The following ALK variants were observed in gnomAD, a reference collection of about 807,000 sequenced individuals.
ALK encodes the protein ALK tyrosine kinase receptor.
Under a neutral mutation model 163.1 loss-of-function variants are expected in ALK, and 74 were observed. That is an observed-to-expected ratio of 0.45 (90% CI 0.38 to 0.55). The LOEUF is 0.55. ALK is among the 20% of genes least tolerant of loss of function. ALK has a pLI of 0.00. For missense variants in ALK, 2,063 were observed against 2,105.3 expected, an observed-to-expected ratio of 0.98 and a Z score of 0.39; for synonymous variants, 960 against 843.2, an observed-to-expected ratio of 1.14 and a Z score of -2.40.
intron 12 of ALK, among the ~76,000 whole-genome samples, chr2:29,244,092 CCA>C (rs1013614329): frequency 2.0e-4 from 31 of 152,164 alleles, no homozygotes; most frequent in African/African-American, 7.2e-4. Flanking sequence ...TGTAGCACAT[CCA>C]CAGTGTCCAC....
chr2:29,585,440 C>T (rs541262025), intron 3 of ALK, among the ~76,000 whole-genome samples: 2 of 152,258 alleles, frequency 1.3e-5, no homozygotes, highest in African/African-American at 4.8e-5. Context: ...GATTCTCATG[C>T]CTCAGCTTCC....
At chr2:29,424,528 T>C (rs2148069608) in intron 4 of ALK, among the ~76,000 whole-genome samples, 1 of 152,320 alleles carries the variant, frequency 6.6e-6, no homozygotes, top group Non-Finnish European at 1.5e-5. Context: ...AAGAACTAAT[T>C]AGCAAAGTCA....
At chr2:29,302,563 AC>A (rs1296285120) in intron 8 of ALK, among the ~76,000 whole-genome samples, 1 of 152,176 alleles carries the variant, frequency 6.6e-6, no homozygotes, top group African/African-American at 2.4e-5. Flanking sequence ...TTATAATGAT[AC>A]CTCCTATGTT....
At chr2:29,641,615 T>TACC (rs566566021) in intron 3 of ALK, among the ~76,000 whole-genome samples, 3 of 152,008 alleles carry the variant, frequency 2.0e-5, no homozygotes, top group Non-Finnish European at 4.4e-5. Context: ...AGCCATTCCT[T>TACC]ACCACCACCA....
intron 2 of ALK, among the ~76,000 whole-genome samples, chr2:29,698,578 CT>C (rs1678640160): frequency 6.6e-6 from 1 of 152,226 alleles, no homozygotes; most frequent in Admixed American, 6.5e-5. Context: ...GGCATGCCAA[CT>C]GTCTGAGTTG....
chr2:29,558,543 C>T (rs1469272257), intron 3 of ALK, among the ~76,000 whole-genome samples: 2 of 152,074 alleles, frequency 1.3e-5, no homozygotes, highest in Admixed American at 1.3e-4. Context: ...TTTGCACACA[C>T]CCCTCCCTAC....
chr2:29,643,222 G>T (rs1676755357), intron 3 of ALK, among the ~76,000 whole-genome samples: 1 of 151,968 alleles, frequency 6.6e-6, no homozygotes, highest in Non-Finnish European at 1.5e-5. Flanking sequence ...GATATGGGCA[G>T]GTATTAAAGT....
intron 4 of ALK, among the ~76,000 whole-genome samples, chr2:29,406,296 C>G (rs1193502100): frequency 2.0e-5 from 3 of 152,136 alleles, no homozygotes; most frequent in Non-Finnish European, 4.4e-5. Context: ...TCTAGTCCTC[C>G]CTAGGAACTC....
intron 4 of ALK, among the ~76,000 whole-genome samples, chr2:29,399,860 G>A (rs1164852564): frequency 1.3e-5 from 2 of 152,196 alleles, no homozygotes; most frequent in African/African-American, 4.8e-5. Flanking sequence ...GATAATGCAA[G>A]ACTCTTCCCA....
intron 4 of ALK, among the ~76,000 whole-genome samples, chr2:29,530,140 G>C (rs1372389703): frequency 7.2e-6 from 1 of 139,582 alleles, no homozygotes; most frequent in African/African-American, 2.7e-5. Context: ...TTCTCCCTAA[G>C]AGGCTTCAGG....
chr2:29,718,483 G>A (rs1679328505), intron 1 of ALK, among the ~76,000 whole-genome samples: 1 of 152,178 alleles, frequency 6.6e-6, no homozygotes, highest in Admixed American at 6.5e-5. Flanking sequence ...GGCAGACAAA[G>A]CCTTTTTTGT....
rs573634420 is a variant in ALK, at chr2:29,229,064, C to T, written c.2635G>A (p.Gly879Ser). ...GLNGNSGAAG[G>S]GGGWNDNTSL... ...GTGTTATCATTCCAGCCACCTCCACCACCTGCGGGAAGAGATAGGGAACCT... is the reference window on the plus strand; with the variant it reads ...GTGTTATCATTCCAGCCACCTCCACTACCTGCGGGAAGAGATAGGGAACCT... The change falls in exon 16 of 29, where the codon GGT becomes AGT. Residue 879 changes from glycine (G) to serine (S), a missense_variant and splice_region_variant. Coordinates refer to ENST00000389048, the MANE Select transcript of ALK (RefSeq NM_004304.5). 1.2e-6 allele frequency: 2 copies of T among 1,613,924 alleles called. No individual in the cohort carries two copies. The highest frequency in any genetic ancestry group is 4.5e-5 in the East Asian group (2 of 44,828).
At chr2:29,669,139 G>C (rs749973575) in intron 3 of ALK, among the ~76,000 whole-genome samples, 4 of 151,930 alleles carry the variant, frequency 2.6e-5, no homozygotes, top group Non-Finnish European at 4.4e-5. Flanking sequence ...AGTTAACACT[G>C]TTATTTCTCT....
At chr2:29,654,944 G>A (rs990444199) in intron 3 of ALK, among the ~76,000 whole-genome samples, 20 of 151,992 alleles carry the variant, frequency 1.3e-4, no homozygotes, top group African/African-American at 3.6e-4. Flanking sequence ...AAAAGATGAC[G>A]AACTGGCTGC....
At chr2:29,475,910 A>G (rs1671507836) in intron 4 of ALK, among the ~76,000 whole-genome samples, 1 of 152,208 alleles carries the variant, frequency 6.6e-6, no homozygotes, top group Non-Finnish European at 1.5e-5. Flanking sequence ...ACAGGCGGCA[A>G]ATGAGAACGG....
intron 4 of ALK, among the ~76,000 whole-genome samples, chr2:29,456,753 C>T (rs1463443496): frequency 6.6e-6 from 1 of 152,050 alleles, no homozygotes; most frequent in Non-Finnish European, 1.5e-5. Flanking sequence ...GGGAATATTA[C>T]CACCTAGATT....
At chr2:29,481,106 A>C (rs1401824478) in intron 4 of ALK, among the ~76,000 whole-genome samples, 1 of 152,222 alleles carries the variant, frequency 6.6e-6, no homozygotes. Context: ...AGTGAACGCG[A>C]GACCTGAGCG....
At chr2:29,888,725 G>A (rs1667056258) in intron 1 of ALK, among the ~76,000 whole-genome samples, 1 of 152,002 alleles carries the variant, frequency 6.6e-6, no homozygotes, top group Non-Finnish European at 1.5e-5. Flanking sequence ...TCCCAAAAAG[G>A]AGTCCCTCTT....
intron 1 of ALK, among the ~76,000 whole-genome samples, chr2:29,848,662 C>T (rs766879448): frequency 6.6e-6 from 1 of 152,172 alleles, no homozygotes; most frequent in African/African-American, 2.4e-5. Context: ...CAGCAGGTCT[C>T]AGCTCTGAGC....
Sources: gnomAD v4.1 joint callset for allele counts (sites outside exome capture counted in the v4.1 genomes callset) on GRCh38, gnomAD v4.1.1 for gene constraint, MANE v1.5 for transcripts, NCBI Gene and HGNC (gene_info 2026-07-23, HGNC 2026-07-21) for gene names.